The following CLASP1 variants were observed in gnomAD, a reference collection of about 807,000 sequenced individuals.
The protein encoded by CLASP1 is cytoplasmic linker associated protein 1.
In CLASP1, 38 loss-of-function variants were observed where a neutral mutation model predicts 192.3. That is an observed-to-expected ratio of 0.20 (90% confidence interval 0.15 to 0.26). The LOEUF (loss-of-function observed/expected upper bound fraction) is 0.26. Ranked by LOEUF, CLASP1 falls within the 10% of genes least tolerant of loss-of-function variation. CLASP1 has a pLI of 1.00. For missense variants in CLASP1, 1,433 were observed against 1,932.5 expected (o/e 0.74, Z 4.85); for synonymous variants, 691 against 712.8 (o/e 0.97, Z 0.49).
intron 24 of CLASP1, among the ~76,000 whole-genome samples, chr2:121,409,368 T>G (rs1339796027): frequency 3.3e-5 from 5 of 152,330 alleles, no homozygotes; most frequent in South Asian, 2.1e-4. Flanking sequence ...ACATTCTGTC[T>G]GGCGCCGTGG....
At chr2:121,630,914 C>A (rs1396791922) in intron 1 of CLASP1, among the ~76,000 whole-genome samples, 3 of 150,100 alleles carry the variant, frequency 2.0e-5, no homozygotes, top group African/African-American at 7.4e-5. Context: ...AATCCCAGCA[C>A]TTTGGGAGGC....
At chr2:121,524,748 C>T (rs926831895) in intron 6 of CLASP1, among the ~76,000 whole-genome samples, 2 of 152,122 alleles carry the variant, frequency 1.3e-5, no homozygotes, top group Non-Finnish European at 2.9e-5. Context: ...TGAGCCACCA[C>T]GTGCCCGGCC....
intron 26 of CLASP1, chr2:121,402,473 A>G (rs1322957141): frequency 9.1e-6 from 4 of 440,242 alleles, no homozygotes; most frequent in African/African-American, 2.0e-5. Flanking sequence ...TAGCACAGCA[A>G]CTATTCACCA....
chr2:121,426,027 C>T lies in CLASP1; in HGVS notation c.2045-721G>A, dbSNP rs184023961. Reference sequence around the variant, plus strand: ...AGGCATGGTGGTACATGCCTCTAGTCCCAGCTACCCGGGAGACTGAGGTGG... The same window carrying T: ...AGGCATGGTGGTACATGCCTCTAGTTCCAGCTACCCGGGAGACTGAGGTGG... On this transcript the variant is annotated intron_variant, in intron 21 of 39. Coordinates refer to ENST00000263710, the Ensembl canonical transcript of CLASP1. 2.1e-3 allele frequency among the ~76,000 whole-genome samples: 321 copies of T among 152,114 alleles called. 1 individual carries two copies. The highest frequency in any genetic ancestry group is 7.4e-3 in the African/African-American group (307 of 41,502).
At chr2:121,470,375 A>T in intron 8 of CLASP1, 8 of 445,162 alleles carry the variant, frequency 1.8e-5, no homozygotes, top group Admixed American at 6.0e-5. Context: ...TCAAGGTGCT[A>T]GGATGACAGG....
chr2:121,395,175 T>C (rs1358688200), intron 30 of CLASP1, among the ~76,000 whole-genome samples: 1 of 152,024 alleles, frequency 6.6e-6, no homozygotes, highest in Non-Finnish European at 1.5e-5. Flanking sequence ...AGATGACATC[T>C]TGTTTCAGCC....
chr2:121,435,245 G>A (rs1349059944), intron 19 of CLASP1, among the ~76,000 whole-genome samples: 1 of 152,048 alleles, frequency 6.6e-6, no homozygotes, highest in East Asian at 1.9e-4. Flanking sequence ...CACAAAGCTT[G>A]GTTTATTTGA....
intron 8 of CLASP1, among the ~76,000 whole-genome samples, chr2:121,495,136 C>A (rs1242063854): frequency 1.3e-5 from 2 of 151,888 alleles, no homozygotes; most frequent in Non-Finnish European, 2.9e-5. Context: ...TCCTGGCTAA[C>A]ACAGTGAAAC....
chr2:121,616,171 G>A (rs2066428634), intron 1 of CLASP1, among the ~76,000 whole-genome samples: 1 of 152,166 alleles, frequency 6.6e-6, no homozygotes, highest in African/African-American at 2.4e-5. Context: ...CTGGGGCCAG[G>A]TGCGGTCGCT....
At chr2:121,495,413 C>A (rs903313397) in intron 8 of CLASP1, among the ~76,000 whole-genome samples, 1 of 152,142 alleles carries the variant, frequency 6.6e-6, no homozygotes, top group African/African-American at 2.4e-5. Flanking sequence ...GTAATACCAG[C>A]GCTTTGGGAG....
chr2:121,483,566 ATGTATATATATGTG>A (rs1176604304), intron 8 of CLASP1, among the ~76,000 whole-genome samples: 233 of 151,580 alleles, frequency 1.5e-3, no homozygotes, highest in Non-Finnish European at 2.5e-3. Context: ...ATATATATGT[ATGTATATATATGTG>A]TGTATACATA....
chr2:121,463,988 C>G (rs1001585174), intron 9 of CLASP1, among the ~76,000 whole-genome samples: 1 of 107,798 alleles, frequency 9.3e-6, no homozygotes, highest in Non-Finnish European at 1.8e-5. Flanking sequence ...AAAGCTATCC[C>G]TCCCCCCTCC....
chr2:121,352,732 G>A (rs995173465), intron 37 of CLASP1, among the ~76,000 whole-genome samples: 2 of 152,146 alleles, frequency 1.3e-5, no homozygotes, highest in South Asian at 2.1e-4. Flanking sequence ...TGGGCTCACT[G>A]CAACCTCTGC....
chr2:121,423,892 T>C (rs2079958336), intron 22 of CLASP1, among the ~76,000 whole-genome samples: 2 of 152,236 alleles, frequency 1.3e-5, no homozygotes, highest in Non-Finnish European at 2.9e-5. Flanking sequence ...GTAGCTAAGG[T>C]GGGCTTCAAA....
At chr2:121,447,094 C>T (rs2084486851) in intron 19 of CLASP1, among the ~76,000 whole-genome samples, 1 of 152,146 alleles carries the variant, frequency 6.6e-6, no homozygotes, top group African/African-American at 2.4e-5. Context: ...GTGCCACACA[C>T]CCTCCGAGCA....
At position 121,498,219 on chromosome 2, in the gene CLASP1, T is replaced by C. The variant is rs530908514; in HGVS notation, c.712+4948A>G. Reference sequence around the variant, plus strand: ...ATAGTTTCTTTTTTTTTTTTTTTTTTCTGAGACGGAGTCTCACGACCAGGC... The same window carrying C: ...ATAGTTTCTTTTTTTTTTTTTTTTTCCTGAGACGGAGTCTCACGACCAGGC... On this transcript the variant is annotated intron_variant, in intron 8 of 39. Transcript: ENST00000263710. Among the ~76,000 whole-genome samples, 34 of 149,198 alleles carry C rather than the reference T, an allele frequency of 2.3e-4. No homozygotes were observed. In the East Asian group the frequency reaches 5.3e-3, roughly 23 times the overall value.
chr2:121,430,004 A>ATCTGC, intron 20 of CLASP1, 69 bp downstream of exon 20: 3 of 1,196,412 alleles, frequency 2.5e-6, no homozygotes, highest in Non-Finnish European at 3.6e-6. Context: ...GAGATTGTAA[A>ATCTGC]ATGTTCAACT....
At chr2:121,508,104 G>A (rs1004370770) in intron 7 of CLASP1, among the ~76,000 whole-genome samples, 1 of 151,866 alleles carries the variant, frequency 6.6e-6, no homozygotes, top group Non-Finnish European at 1.5e-5. Flanking sequence ...TAGTATAAAA[G>A]TATTTTTTGT....
At chr2:121,477,315 T>A (rs1458483369) in intron 8 of CLASP1, among the ~76,000 whole-genome samples, 1 of 152,232 alleles carries the variant, frequency 6.6e-6, no homozygotes, top group Non-Finnish European at 1.5e-5. Context: ...ATTACTTTTT[T>A]AACGTGCATA....
Sources: gnomAD v4.1 joint callset for allele counts (sites outside exome capture counted in the v4.1 genomes callset) on GRCh38, gnomAD v4.1.1 for gene constraint, MANE v1.5 for transcripts, NCBI Gene and HGNC (gene_info 2026-07-23, HGNC 2026-07-21) for gene names.